Variants in LRRC17 observed in about 807,000 individuals in gnomAD.
LRRC17 encodes the protein leucine-rich repeat-containing protein 17.
LRRC17 carries 33 observed loss-of-function variants against 41.5 expected under a neutral mutation model. The observed-to-expected ratio is 0.80, with a 90% CI of 0.60 to 1.06. LRRC17 has a LOEUF of 1.06. Among genes scored for constraint, LRRC17 ranks in the 50% least tolerant of loss-of-function variants. The probability of loss-of-function intolerance (pLI) is 0.00; values close to 1 mark genes in which losing one functional copy is unlikely to be tolerated. For missense variants in LRRC17, 491 were observed against 519.3 expected (o/e 0.95, Z 0.53); for synonymous variants, 192 against 197.0 (o/e 0.97, Z 0.21).
At chr7:102,941,176 C>T (rs1821345884) in intron 3 of LRRC17, among the ~76,000 whole-genome samples, 1 of 152,142 alleles carries the variant, frequency 6.6e-6, no homozygotes, top group Non-Finnish European at 1.5e-5. Flanking sequence ...TATGTTTGAA[C>T]TGTGAAGTCA....
intron 1 of LRRC17, chr7:102,926,517 G>T: frequency 1.6e-6 from 1 of 612,568 alleles, no homozygotes; most frequent in African/African-American, 1.9e-5. Context: ...TCTACTATTA[G>T]GTTGAAATGA....
chr7:102,937,265 C>A (rs145536631), intron 2 of LRRC17, among the ~76,000 whole-genome samples: 2 of 151,210 alleles, frequency 1.3e-5, no homozygotes, highest in South Asian at 4.2e-4. Flanking sequence ...TTTGGGAGGC[C>A]GAGGCAGGTG....
intron 1 of LRRC17, among the ~76,000 whole-genome samples, chr7:102,924,659 T>G (rs1339420709): frequency 1.3e-5 from 2 of 149,900 alleles, no homozygotes; most frequent in East Asian, 3.9e-4. Context: ...TTTTTTTTTT[T>G]GAGATGGGGT....
chr7:102,929,229 A>T (rs919414621), intron 1 of LRRC17, among the ~76,000 whole-genome samples: 6 of 152,200 alleles, frequency 3.9e-5, no homozygotes, highest in African/African-American at 1.4e-4. Context: ...GATGGATTTC[A>T]TGGGGAAAAA....
At chr7:102,928,833 CCTT>C (rs1818613515) in intron 1 of LRRC17, among the ~76,000 whole-genome samples, 1 of 152,152 alleles carries the variant, frequency 6.6e-6, no homozygotes, top group Non-Finnish European at 1.5e-5. Context: ...GATTTAAAAT[CCTT>C]CTTCATGAAG....
intron 1 of LRRC17, among the ~76,000 whole-genome samples, chr7:102,915,066 C>T (rs1434588592): frequency 2.0e-5 from 3 of 151,972 alleles, no homozygotes; most frequent in Non-Finnish European, 4.4e-5. Context: ...ACACTTACTG[C>T]AACCTCCCTA....
intron 2 of LRRC17, among the ~76,000 whole-genome samples, chr7:102,936,883 C>T (rs1820418800): frequency 6.6e-6 from 1 of 152,022 alleles, no homozygotes; most frequent in Admixed American, 6.5e-5. Context: ...TTGGGCCATT[C>T]CCTCCCCCAA....
In LRRC17 at chr7:102,942,697, C is replaced by T. The variant is rs142054043; in HGVS notation, c.929-1513C>T. ...AAGGGCTGATCTTTTGTCCCCTACC[C>T]GCAAGACATTGCTTGGTACCAAAAT... On this transcript the variant is annotated intron_variant, in intron 3 of 3. Coordinates refer to ENST00000339431, the MANE Select transcript of LRRC17 (RefSeq NM_001031692.3). Among the ~76,000 whole-genome samples, 502 of 152,168 alleles carry T rather than the reference C, an allele frequency of 3.3e-3. 3 individuals are homozygous for T. The highest frequency in any genetic ancestry group is 4.1e-3 in the Non-Finnish European group (280 of 68,006).
At chr7:102,923,373 T>C (rs1167778203) in intron 1 of LRRC17, among the ~76,000 whole-genome samples, 1 of 152,152 alleles carries the variant, frequency 6.6e-6, no homozygotes, top group Non-Finnish European at 1.5e-5. Flanking sequence ...TTCCAAGCTA[T>C]CAATGAGAGG....
rs367824936 is a variant in LRRC17 at position 102,934,141 on chromosome 7, G to C, written c.228G>C (p.Leu76=). ...AAGAAAGAAAATTAGTTTATGTGCT[G>C]CCTGGTTGGCCTCAGGATTTGCTGC... is the stretch of plus-strand genomic sequence containing the variant. ...DCQERKLVYV[L]PGWPQDLLHM... is the part of the protein sequence containing the mutation. Residue 76 remains leucine, a synonymous_variant, in exon 2 of 4, where the codon CTG becomes CTC. Coordinates refer to ENST00000339431, the MANE Select transcript of LRRC17 (RefSeq NM_001031692.3). 51 of 1,614,036 alleles carry C rather than the reference G, an allele frequency of 3.2e-5. No homozygotes were observed. Among genetic ancestry groups the C allele is most frequent in the Middle Eastern group, 3.3e-4 (2 of 6,084 alleles).
chr7:102,934,145 G>C lies in LRRC17; in HGVS notation c.232G>C (p.Gly78Arg). The C allele has an allele frequency of 1.2e-6, 2 of 1,614,160 alleles. No homozygotes were observed. Among genetic ancestry groups the C allele is most frequent in the East Asian group, 2.2e-5 (1 of 44,888 alleles). The change falls in exon 2 of 4, where the codon GGT becomes CGT. Residue 78 changes from glycine to arginine, a missense_variant. Coordinates refer to ENST00000339431, the MANE Select transcript of LRRC17 (RefSeq NM_001031692.3). ...QERKLVYVLP[G>R]WPQDLLHMLL... ...AAGAAAATTAGTTTATGTGCTGCCTGGTTGGCCTCAGGATTTGCTGCACAT... is the reference window on the plus strand; with the variant it reads ...AAGAAAATTAGTTTATGTGCTGCCTCGTTGGCCTCAGGATTTGCTGCACAT...
At position 102,913,163 on chromosome 7, in the gene LRRC17, C is replaced by T; in HGVS notation, c.-141+18C>T. 6.2e-7 allele frequency: 1 copy of T among 1,614,134 alleles called. No individual in the cohort carries two copies. The highest frequency in any genetic ancestry group is 8.5e-7 in the Non-Finnish European group (1 of 1,180,016). ...AAGTTCAGGTACTGTAAGCCTTTGT[C>T]TGTGAACCGTCTGCAATAAGCCAAA... is the stretch of plus-strand genomic sequence containing the variant. On this transcript the variant is annotated intron_variant, in intron 1 of 3. Coordinates refer to ENST00000339431, the MANE Select transcript of LRRC17 (RefSeq NM_001031692.3).
At chr7:102,921,410 T>C (rs1245514810) in intron 1 of LRRC17, among the ~76,000 whole-genome samples, 1 of 152,178 alleles carries the variant, frequency 6.6e-6, no homozygotes, top group Non-Finnish European at 1.5e-5. Flanking sequence ...CCGGGCACAG[T>C]GGCTCATGCC....
chr7:102,915,880 T>C (rs1044544421), intron 1 of LRRC17, among the ~76,000 whole-genome samples: 3 of 152,242 alleles, frequency 2.0e-5, no homozygotes, highest in African/African-American at 7.2e-5. Context: ...GATAAGAATA[T>C]ATTTGTGATT....
At chr7:102,914,748 G>A (rs1398983825) in intron 1 of LRRC17, among the ~76,000 whole-genome samples, 1 of 152,244 alleles carries the variant, frequency 6.6e-6, no homozygotes, top group Non-Finnish European at 1.5e-5. Flanking sequence ...CAGTGACTAG[G>A]TGGGCAGGGC....
chr7:102,929,761 G>GA (rs1818842827), intron 1 of LRRC17, among the ~76,000 whole-genome samples: 1 of 151,916 alleles, frequency 6.6e-6, no homozygotes. Flanking sequence ...AATGAAGGGT[G>GA]ACTGTTGATG....
intron 1 of LRRC17, among the ~76,000 whole-genome samples, chr7:102,917,669 C>T (rs949412727): frequency 3.9e-5 from 6 of 152,024 alleles, no homozygotes; most frequent in African/African-American, 1.5e-4. Flanking sequence ...AGAATGTCAA[C>T]GAAGAGTAAG....
Position 102,934,057 on chromosome 7 carries a change from C to A in LRRC17, c.144C>A (p.Tyr48Ter). 1.2e-6 allele frequency: 2 copies of A among 1,614,166 alleles called. No homozygotes were observed. The highest frequency in any genetic ancestry group is 1.7e-6 in the Non-Finnish European group (2 of 1,180,008). ...GAGGCTCCAACCCGGTCAAACGCTA[C>A]GCACCAGGCCTCCCGTGTGACGTGT... The part of the protein sequence containing the change: ...GRRGSNPVKR[Y>*]APGLPCDVYT... The change falls in exon 2 of 4, where the codon TAC (tyrosine) becomes TAA (stop). Residue 48 changes from tyrosine (Y) to a stop codon, truncating the protein, a stop_gained. Transcript: ENST00000339431. LOFTEE classifies it high-confidence loss of function.
intron 1 of LRRC17, among the ~76,000 whole-genome samples, chr7:102,929,232 G>A (rs1818688068): frequency 6.6e-6 from 1 of 152,120 alleles, no homozygotes; most frequent in South Asian, 2.1e-4. Context: ...GGATTTCATG[G>A]GGAAAAATTA....
Sources: allele counts gnomAD v4.1 joint callset (sites outside exome capture counted in the v4.1 genomes callset), GRCh38; gene constraint gnomAD v4.1.1; transcripts MANE v1.5; gene names NCBI Gene and HGNC (gene_info 2026-07-23, HGNC 2026-07-21).